The following TMEM127 variants were observed in gnomAD, a reference collection of about 807,000 sequenced individuals.
The protein encoded by TMEM127 is transmembrane protein 127.
TMEM127 carries 21 observed loss-of-function variants against 20.1 expected under a neutral mutation model. The ratio of observed to expected loss-of-function variants is 1.04; its 90% CI spans 0.74 to 1.50. The LOEUF (loss-of-function observed/expected upper bound fraction) is 1.50. Ranked by LOEUF, TMEM127 falls within the 40% of genes most tolerant of loss-of-function variation. The pLI, the probability that TMEM127 is intolerant of heterozygous loss-of-function variation, is 0.00. For synonymous variants in TMEM127, 150 were observed against 144.7 expected (o/e 1.04, Z -0.26); for missense variants, 303 against 317.4 (o/e 0.95, Z 0.34).
chr2:96,265,650 C>T, intron 1 of TMEM127, 138 bp from the exon 2 acceptor site: 1 of 368,222 alleles, frequency 2.7e-6, no homozygotes, highest in East Asian at 4.3e-5. Flanking sequence ...GGGCCAGGGG[C>T]CAGATGGGGT....
chr2:96,253,859 C>T lies in TMEM127; in HGVS notation c.666G>A (p.Ala222=), dbSNP rs772481029. 5.3e-5 allele frequency: 86 copies of T among 1,613,814 alleles called. No individual in the cohort carries two copies. Among genetic ancestry groups the T allele is most frequent in the Non-Finnish European group, 7.0e-5 (83 of 1,179,874 alleles). ...GGAACTGGTTGATGACCTCATATTCCGCCGGGTAGGGCTCGTTCTCTTCCA... is the reference window on the plus strand; with the variant it reads ...GGAACTGGTTGATGACCTCATATTCTGCCGGGTAGGGCTCGTTCTCTTCCA... The part of the protein sequence containing the change: ...SEMEENEPYP[A]EYEVINQFQP... Residue 222 remains alanine (A), a synonymous_variant, in exon 4 of 4, where the codon GCG becomes GCA. Coordinates refer to ENST00000258439, the MANE Select transcript of TMEM127 (RefSeq NM_017849.4). This position sits in a 1 kb window ranked among gnomAD's most constrained non-coding sequence, Gnocchi z 4.3.
chr2:96,252,579 C>T lies in TMEM127; in HGVS notation c.*1229G>A, dbSNP rs1021963184. 2.6e-5 allele frequency: 6 copies of T among 234,000 alleles called. No individual in the cohort carries two copies. Among genetic ancestry groups the T allele is most frequent in the African/African-American group, 4.4e-5 (2 of 45,478 alleles). 14.5% of individuals were successfully genotyped at this position (234,000 alleles called of 1,614,324 possible). The stretch of plus-strand genomic sequence containing the variant: ...GAGGGCACGTGGCAAGCTGGAGTCC[C>T]GAGTCAGAGTCTAGGGCAGCACTGG... On this transcript the variant is annotated 3_prime_UTR_variant, in exon 4 of 4. Transcript: ENST00000258439. The surrounding 1 kb of genome is among the most constrained non-coding windows in gnomAD (Gnocchi z 4.2).
chr2:96,254,955 A>G lies in TMEM127; in HGVS notation c.287T>C (p.Ile96Thr). ...NPQTVLLLRV[I>T]AAFCFLGILC... ...GATGCCCAGGAAACAGAAGGCGGCG[A>G]TGACCCGCAGGAGCAGCACTGTCTG... is the stretch of plus-strand genomic sequence containing the variant. The change falls in exon 3 of 4, where the codon ATC (isoleucine) becomes ACC (threonine). Residue 96 changes from isoleucine (I) to threonine (T), a missense_variant. By Grantham distance (89) the Ile-to-Thr change is moderately conservative (BLOSUM62 -1). Transcript: ENST00000258439. 1 of 1,614,238 alleles carries G rather than the reference A, an allele frequency of 6.2e-7. No homozygotes were observed. The highest frequency in any genetic ancestry group is 8.5e-7 in the Non-Finnish European group (1 of 1,180,036).
Position 96,251,528 on chromosome 2 carries a change from C to T in TMEM127, c.*2280G>A. On this transcript the variant is annotated 3_prime_UTR_variant, in exon 4 of 4. Coordinates refer to ENST00000258439, the MANE Select transcript of TMEM127 (RefSeq NM_017849.4). ...CAGAGCGAGACTCTTGTCTCAAAAA[C>T]AAGAAAAAGAAAAAAAAATACAGCC... is the stretch of plus-strand genomic sequence containing the variant. The T allele has an allele frequency of 4.4e-6, 1 of 228,496 alleles. No homozygotes were observed. The highest frequency in any genetic ancestry group is 8.7e-6 in the Non-Finnish European group (1 of 115,150). The allele number at this position is 228,496 out of a possible 1,614,324, so 14.2% of individuals were successfully genotyped here. A position where few individuals can be genotyped will look rare whatever the true frequency, so the allele number is the denominator to read the frequency against.
At position 96,265,336 on chromosome 2, in the gene TMEM127, T is replaced by C. The variant is rs767737615; in HGVS notation, c.46A>G (p.Arg16Gly). Residue 16 changes from arginine (R) to glycine (G), a missense_variant, in exon 2 of 4, where the codon AGG becomes GGG. By Grantham distance (125) the Arg-to-Gly change is moderately radical. Coordinates refer to ENST00000258439, the MANE Select transcript of TMEM127 (RefSeq NM_017849.4). ...GGCAGAGCGCTGCCTCCCGGGCTCC[T>C]CCGCCGGCGCCCGCCGGGCAGCCCT... ...GAGLPGGRRRRSPGGSALPKQ... is the reference protein window; with the variant it reads ...GAGLPGGRRRGSPGGSALPKQ... The C allele has an allele frequency of 9.2e-6, 14 of 1,514,142 alleles. No individual in the cohort carries two copies. The highest frequency in any genetic ancestry group is 6.1e-5 in the South Asian group (5 of 82,008). The allele number at this position is 1,514,142 out of a possible 1,614,324, so 93.8% of individuals were successfully genotyped here.
chr2:96,254,312 G>C (rs1364664433), intron 3 of TMEM127, among the ~76,000 whole-genome samples, 197 bp from the exon 4 acceptor site: 2 of 152,196 alleles, frequency 1.3e-5, no homozygotes, highest in Non-Finnish European at 2.9e-5. Flanking sequence ...ACCTGATCTA[G>C]GCCAGTCAGA....
intron 2 of TMEM127, among the ~76,000 whole-genome samples, chr2:96,258,824 T>C (rs1684259434): frequency 6.6e-6 from 1 of 152,208 alleles, no homozygotes; most frequent in Admixed American, 6.5e-5. Context: ...AGTGTTCTTA[T>C]AGTGCTTCCA....
rs779277417 is a variant in TMEM127 at position 96,254,859 on chromosome 2, C to T, written c.383G>A (p.Arg128His). 5.0e-6 allele frequency: 8 copies of T among 1,613,934 alleles called. No individual in the cohort carries two copies. Among genetic ancestry groups the T allele is most frequent in the South Asian group, 3.3e-5 (3 of 91,072 alleles). Reference protein sequence around the residue: ...PKHPALKITRRYAFAHILTVL... With the variant: ...PKHPALKITRHYAFAHILTVL... Reference sequence around the variant, plus strand: ...CGTTAGGATATGGGCGAAGGCATAGCGACGAGTGATCTTCAGAGCAGGATG... The same window carrying T: ...CGTTAGGATATGGGCGAAGGCATAGTGACGAGTGATCTTCAGAGCAGGATG... Residue 128 changes from arginine to histidine, a missense_variant, in exon 3 of 4, where the codon CGC becomes CAC. Coordinates refer to ENST00000258439, the MANE Select transcript of TMEM127 (RefSeq NM_017849.4).
Position 96,248,871 on chromosome 2 carries a change from G to C in TMEM127, c.*4937C>G, listed in dbSNP as rs1684028375. ...TTCGTTACCTGACTCTTTAGACACA[G>C]GGTTGGCTGGAGGGGCCTCTCCCTC... On this transcript the variant is annotated 3_prime_UTR_variant, in exon 4 of 4. Transcript: ENST00000258439. 1 of 232,434 alleles carries C rather than the reference G, an allele frequency of 4.3e-6. No homozygotes were observed. Among genetic ancestry groups the C allele is most frequent in the East Asian group, 6.0e-5 (1 of 16,530 alleles). The allele number at this position is 232,434 out of a possible 1,614,324, so 14.4% of individuals were successfully genotyped here.
intron 2 of TMEM127, among the ~76,000 whole-genome samples, chr2:96,260,945 C>G (rs746968729): frequency 1.3e-5 from 2 of 152,228 alleles, no homozygotes; most frequent in African/African-American, 4.8e-5. Context: ...CCCCGCAGGG[C>G]CTGGCAGTGT....
chr2:96,255,513 T>C (rs1684185337), intron 2 of TMEM127, among the ~76,000 whole-genome samples: 1 of 152,202 alleles, frequency 6.6e-6, no homozygotes, highest in Non-Finnish European at 1.5e-5. Flanking sequence ...GTAGGACAAA[T>C]ATTTTATAAT....
rs1013170514 is a variant in TMEM127, at chr2:96,252,096, T to G, written c.*1712A>C. 4.3e-6 allele frequency: 1 copy of G among 233,258 alleles called. No individual in the cohort carries two copies. The highest frequency in any genetic ancestry group is 2.2e-5 in the African/African-American group (1 of 45,360). The allele number at this position is 233,258 out of a possible 1,614,324, so 14.4% of individuals were successfully genotyped here. ...GTCCAGAAGAGCAGGAGAGTCACCT[T>G]TGAACACACTCTGGCATCACAGCAG... On this transcript the variant is annotated 3_prime_UTR_variant, in exon 4 of 4. Transcript: ENST00000258439. The surrounding 1 kb of genome is among the most constrained non-coding windows in gnomAD (Gnocchi z 4.2).
chr2:96,263,048 CTTT>C (rs1402826560), intron 2 of TMEM127, among the ~76,000 whole-genome samples: 3 of 136,680 alleles, frequency 2.2e-5, no homozygotes, highest in African/African-American at 2.7e-5. Flanking sequence ...CAAGAATTTA[CTTT>C]TTTTTTTTTT....
At chr2:96,259,429 C>T (rs1453930179) in intron 2 of TMEM127, among the ~76,000 whole-genome samples, 1 of 152,206 alleles carries the variant, frequency 6.6e-6, no homozygotes, top group Non-Finnish European at 1.5e-5. Flanking sequence ...AAGAGTTGTG[C>T]GTGAATGAGG....
At position 96,252,141 on chromosome 2, in the gene TMEM127, G is replaced by C. The variant is rs1684104774; in HGVS notation, c.*1667C>G. 4.3e-6 allele frequency: 1 copy of C among 233,292 alleles called. No individual in the cohort carries two copies. 14.5% of individuals were successfully genotyped at this position (233,292 alleles called of 1,614,324 possible). ...CAGCAGTGAACTGCAAGCAGCCACT[G>C]GCTCGTGTGCAGATGTGGCCCTCAC... On this transcript the variant is annotated 3_prime_UTR_variant, in exon 4 of 4. Coordinates refer to ENST00000258439, the MANE Select transcript of TMEM127 (RefSeq NM_017849.4). The surrounding 1 kb of genome is among the most constrained non-coding windows in gnomAD (Gnocchi z 4.2).
chr2:96,253,750 C>T lies in TMEM127; in HGVS notation c.*58G>A, dbSNP rs192748413. The T allele has an allele frequency of 1.5e-5, 23 of 1,553,700 alleles. No homozygotes were observed. The highest frequency in any genetic ancestry group is 4.1e-5 in the African/African-American group (3 of 73,628). On this transcript the variant is annotated 3_prime_UTR_variant, in exon 4 of 4. Transcript: ENST00000258439. This position sits in a 1 kb window ranked among gnomAD's most constrained non-coding sequence, Gnocchi z 4.3. ...CTGGGGAAAGGAGCTCCTCTGGGTG[C>T]GAGAGGAGCTGCAGAGTTGAGGGAG...
intron 1 of TMEM127, 77 bp from the exon 2 acceptor site, chr2:96,265,589 G>A: frequency 5.4e-6 from 3 of 551,622 alleles, no homozygotes; most frequent in Non-Finnish European, 8.1e-6. Flanking sequence ...GGGAATTCGG[G>A]GGGCGGAGAC....
At position 96,250,072 on chromosome 2, in the gene TMEM127, G is replaced by T; in HGVS notation, c.*3736C>A. ...TGACCGCCCTCTTCCCCTTTGGCAG[G>T]TCCTGTCTCCCACTTTCAACACCCT... On this transcript the variant is annotated 3_prime_UTR_variant, in exon 4 of 4. Coordinates refer to ENST00000258439, the MANE Select transcript of TMEM127 (RefSeq NM_017849.4). 4.3e-6 allele frequency: 1 copy of T among 233,226 alleles called. No individual in the cohort carries two copies. Among genetic ancestry groups the T allele is most frequent in the Non-Finnish European group, 8.5e-6 (1 of 118,072 alleles). 14.4% of individuals were successfully genotyped at this position (233,226 alleles called of 1,614,324 possible). A position where few individuals can be genotyped will look rare whatever the true frequency, so the allele number is the denominator to read the frequency against.
intron 2 of TMEM127, among the ~76,000 whole-genome samples, chr2:96,262,192 G>A (rs1291598548): frequency 6.6e-6 from 1 of 151,744 alleles, no homozygotes; most frequent in African/African-American, 2.4e-5. Context: ...CCGGGAGGCG[G>A]AGGTTGCAGT....
Sources: gnomAD v4.1 joint callset for allele counts (sites outside exome capture counted in the v4.1 genomes callset) on GRCh38, gnomAD v4.1.1 for gene constraint, Gnocchi (gnomAD v3.1) non-coding constraint, MANE v1.5 for transcripts, NCBI Gene and HGNC (gene_info 2026-07-23, HGNC 2026-07-21) for gene names.